The following NOS1 variants were observed in gnomAD, a reference collection of about 807,000 sequenced individuals.
NOS1 encodes nitric oxide synthase 1, also known as NOS type I.
NOS1 carries 51 observed loss-of-function variants against 164.5 expected under a neutral mutation model. The observed-to-expected ratio is 0.31, with a 90% confidence interval of 0.25 to 0.39. The LOEUF is 0.39. NOS1 is among the 10% of genes least tolerant of loss of function. The pLI is 1.00. For synonymous variants in NOS1, 719 were observed against 745.8 expected (o/e 0.96, Z 0.59); for missense variants, 1,362 against 1,885.6 (o/e 0.72, Z 5.14).
intron 2 of NOS1, among the ~76,000 whole-genome samples, chr12:117,312,444 C>T (rs1311277430): frequency 1.3e-5 from 2 of 152,072 alleles, no homozygotes; most frequent in African/African-American, 4.8e-5. Context: ...TTTCCCCAGC[C>T]TTGTCCTGTC....
At chr12:117,239,856 T>G (rs1870025483) in intron 20 of NOS1, among the ~76,000 whole-genome samples, 1 of 152,084 alleles carries the variant, frequency 6.6e-6, no homozygotes, top group African/African-American at 2.4e-5. Context: ...CTTTTTGTGC[T>G]AATTCATAAC....
intron 3 of NOS1, among the ~76,000 whole-genome samples, chr12:117,308,304 C>T (rs189921344): frequency 2.6e-5 from 4 of 152,116 alleles, no homozygotes; most frequent in South Asian, 4.2e-4. Context: ...ACTAGGAGTT[C>T]GAGACCAGCC....
At position 117,359,936 on chromosome 12, in the gene NOS1, C is replaced by A. The variant is rs1481374964; in HGVS notation, c.-421+1576G>T. ...TATATATATATATATATATATATAT[C>A]AGCAACACTTCCTGCGTTATGAACG... On this transcript the variant is annotated intron_variant, in intron 1 of 28. Coordinates refer to ENST00000317775, the MANE Select transcript of NOS1 (RefSeq NM_000620.5). 9.8e-5 allele frequency among the ~76,000 whole-genome samples: 6 copies of A among 61,200 alleles called. No homozygotes were observed. The South Asian group carries it at 1.7e-3, about 18-fold the overall frequency. The allele number at this position is 61,200 out of a possible 152,430, so 40.1% of individuals were successfully genotyped here.
intron 2 of NOS1, among the ~76,000 whole-genome samples, chr12:117,317,521 C>G (rs532480825): frequency 1.3e-5 from 2 of 150,860 alleles, no homozygotes; most frequent in Admixed American, 6.7e-5. Context: ...TTGCAAAGTG[C>G]CCCCTGGGAG....
intron 2 of NOS1, among the ~76,000 whole-genome samples, chr12:117,326,376 ACT>A (rs1183159575): frequency 2.8e-5 from 4 of 141,708 alleles, no homozygotes; most frequent in Admixed American, 1.5e-4. Context: ...ACAAAGCGAG[ACT>A]CTGTCTCAAA....
chr12:117,244,746 C>T (rs551463664), intron 18 of NOS1, among the ~76,000 whole-genome samples: 2 of 152,300 alleles, frequency 1.3e-5, no homozygotes, highest in East Asian at 3.9e-4. Context: ...CTGATACATG[C>T]TATGACACGG....
intron 17 of NOS1, among the ~76,000 whole-genome samples, chr12:117,252,101 T>C (rs1176592155): frequency 3.3e-5 from 5 of 152,132 alleles, no homozygotes; most frequent in East Asian, 3.8e-4. Context: ...AGAAGCAAAA[T>C]TGAAGCTATT....
At position 117,330,243 on chromosome 12, in the gene NOS1, T is replaced by C; in HGVS notation, c.725+102A>G. The stretch of plus-strand genomic sequence containing the variant: ...AACAGGTATCTGAGACAGCCCAGGT[T>C]GGCTTCTGGGCTATGAGGCTGAGTC... On this transcript the variant is annotated intron_variant, in intron 2 of 28. Transcript: ENST00000317775. This position sits in a 1 kb window ranked among gnomAD's most constrained non-coding sequence, Gnocchi z 4.6. The C allele has an allele frequency of 6.9e-7, 1 of 1,457,208 alleles. No individual in the cohort carries two copies. 90.3% of individuals were successfully genotyped at this position (1,457,208 alleles called of 1,614,324 possible). A position where few individuals can be genotyped will look rare whatever the true frequency, so the allele number is the denominator to read the frequency against.
intron 18 of NOS1, chr12:117,245,604 ATC>A (rs1870556454): frequency 6.5e-6 from 1 of 152,858 alleles, no homozygotes; most frequent in Admixed American, 6.5e-5. Flanking sequence ...GGATTCTGGA[ATC>A]TCAGTGGAGC....
At chr12:117,303,997 C>T (rs1873990500) in intron 3 of NOS1, among the ~76,000 whole-genome samples, 1 of 152,076 alleles carries the variant, frequency 6.6e-6, no homozygotes, top group Non-Finnish European at 1.5e-5. Context: ...TCAGTGAAAC[C>T]CCGTCTCTGC....
chr12:117,270,206 AG>A (rs749855596), intron 10 of NOS1, among the ~76,000 whole-genome samples: 35 of 152,352 alleles, frequency 2.3e-4, no homozygotes, highest in Non-Finnish European at 3.8e-4. Context: ...TGTCAATACT[AG>A]TCACTGGTGG....
At chr12:117,263,693 G>T (rs1399689074) in intron 13 of NOS1, among the ~76,000 whole-genome samples, 196 bp downstream of exon 13, 1 of 151,666 alleles carries the variant, frequency 6.6e-6, no homozygotes, top group Non-Finnish European at 1.5e-5. Context: ...AGGAAAGTGA[G>T]GCTGAGAAGG....
At chr12:117,321,978 T>TTCTCTCCTTCCTTCCCTCCC (rs767865026) in intron 2 of NOS1, among the ~76,000 whole-genome samples, 4 of 97,192 alleles carry the variant, frequency 4.1e-5, no homozygotes, top group Admixed American at 1.0e-4. Context: ...CCTTCCCTCC[T>TTCTCTCCTTCCTTCCCTCCC]TCTCTCCTTC....
At chr12:117,360,922 C>T (rs1877112473) in intron 1 of NOS1, among the ~76,000 whole-genome samples, 1 of 152,096 alleles carries the variant, frequency 6.6e-6, no homozygotes, top group African/African-American at 2.4e-5. Flanking sequence ...CGACTAGGGT[C>T]TTGCAAAGTT....
chr12:117,315,299 G>A (rs894465171), intron 2 of NOS1, among the ~76,000 whole-genome samples: 1 of 151,974 alleles, frequency 6.6e-6, no homozygotes, highest in African/African-American at 2.4e-5. Context: ...CACCTCCCAG[G>A]TTCAAGTGAT....
chr12:117,311,024 C>A (rs1874404930), intron 3 of NOS1, among the ~76,000 whole-genome samples: 1 of 152,052 alleles, frequency 6.6e-6, no homozygotes, highest in Non-Finnish European at 1.5e-5. Flanking sequence ...CGCCACCATG[C>A]CAGGCTAATT....
chr12:117,225,244 A>C, intron 24 of NOS1, 107 bp from the exon 25 acceptor site: 1 of 1,416,950 alleles, frequency 7.1e-7, no homozygotes, highest in Non-Finnish European at 9.5e-7. Flanking sequence ...ATACAATGAG[A>C]CTTAAGGCTC....
rs549539843 is a variant in NOS1, at chr12:117,231,035, A to C, written c.3405+927T>G. ...ACAAAAATACAGTCACATAGAATGA[A>C]TAAGATCTAGGCCGGGTGCAGTGGC... On this transcript the variant is annotated intron_variant, in intron 22 of 28. Coordinates refer to ENST00000317775, the MANE Select transcript of NOS1 (RefSeq NM_000620.5). Among the ~76,000 whole-genome samples the C allele has an allele frequency of 2.0e-5, 3 of 152,282 alleles. No individual in the cohort carries two copies. The South Asian group carries it at 6.2e-4, about 32-fold the overall frequency.
chr12:117,264,028 T>G (rs1182592720), intron 12 of NOS1, 54 bp from the exon 13 acceptor site: 1 of 1,475,190 alleles, frequency 6.8e-7, no homozygotes, highest in Non-Finnish European at 9.4e-7. Flanking sequence ...GGCATCTGGT[T>G]CCTGTTGGGG....
Sources: gnomAD v4.1 joint callset for allele counts (sites outside exome capture counted in the v4.1 genomes callset) on GRCh38, gnomAD v4.1.1 for gene constraint, Gnocchi (gnomAD v3.1) non-coding constraint, MANE v1.5 for transcripts, NCBI Gene and HGNC (gene_info 2026-07-23, HGNC 2026-07-21) for gene names.